The following KDM2B variants were observed in gnomAD, a reference collection of about 807,000 sequenced individuals.
KDM2B encodes the protein lysine demethylase 2B.
Under a neutral mutation model 150.0 loss-of-function variants are expected in KDM2B, and 26 were observed. That is an observed-to-expected ratio of 0.17 (90% CI 0.13 to 0.24). The LOEUF is 0.24. Among genes scored for constraint, KDM2B ranks in the 10% least tolerant of loss-of-function variants. The probability of loss-of-function intolerance (pLI) is 1.00; values close to 1 mark genes in which losing one functional copy is unlikely to be tolerated. For missense variants in KDM2B, 1,265 were observed against 1,816.9 expected, an observed-to-expected ratio of 0.70 and a Z score of 5.52; for synonymous variants, 734 against 729.5, an observed-to-expected ratio of 1.01 and a Z score of -0.10.
rs1464676135 is a variant in KDM2B, at chr12:121,521,262, A to G, written c.932-162T>C. On this transcript the variant is annotated intron_variant, in intron 8 of 22. Coordinates refer to ENST00000377071, the MANE Select transcript of KDM2B (RefSeq NM_032590.5). This position sits in a 1 kb window ranked among gnomAD's most constrained non-coding sequence, Gnocchi z 4.9. ...GGCGCCCAGCAATGCCTGCTGCACA[A>G]CGCCCAGGCCTGAGCCGCCGAGAGG... Among the ~76,000 whole-genome samples, 1 of 152,134 alleles carries G rather than the reference A, an allele frequency of 6.6e-6. No individual in the cohort carries two copies. The highest frequency in any genetic ancestry group is 1.5e-5 in the Non-Finnish European group (1 of 68,006).
intron 12 of KDM2B, among the ~76,000 whole-genome samples, chr12:121,487,820 G>T (rs1466916038): frequency 2.7e-5 from 4 of 150,680 alleles, no homozygotes; most frequent in South Asian, 2.1e-4. Flanking sequence ...TTGAGACAGG[G>T]TCTTGCCCTG....
At chr12:121,551,650 T>A (rs1372735276) in intron 4 of KDM2B, among the ~76,000 whole-genome samples, 1 of 152,184 alleles carries the variant, frequency 6.6e-6, no homozygotes, top group African/African-American at 2.4e-5. Flanking sequence ...CCTGCGGGGT[T>A]CAAGTGATTC....
intron 12 of KDM2B, among the ~76,000 whole-genome samples, chr12:121,481,031 G>A (rs535111584): frequency 2.0e-5 from 3 of 150,914 alleles, no homozygotes; most frequent in African/African-American, 4.9e-5. Flanking sequence ...GAGTTCAAGC[G>A]ATTCTCCTGC....
intron 12 of KDM2B, among the ~76,000 whole-genome samples, chr12:121,462,849 T>C (rs1486918463): frequency 2.0e-5 from 3 of 152,106 alleles, no homozygotes; most frequent in African/African-American, 4.8e-5. Context: ...ACACCTGTAA[T>C]GCCAGCACTT....
At chr12:121,479,079 G>C (rs1881750712) in intron 12 of KDM2B, among the ~76,000 whole-genome samples, 1 of 152,014 alleles carries the variant, frequency 6.6e-6, no homozygotes, top group Non-Finnish European at 1.5e-5. Context: ...CTTTAAAATG[G>C]AAGTAATGAA....
Position 121,440,798 on chromosome 12 carries a change from C to A in KDM2B, c.3610+18G>T. 2.5e-6 allele frequency: 4 copies of A among 1,594,696 alleles called. No individual in the cohort carries two copies. The highest frequency in any genetic ancestry group is 3.4e-6 in the Non-Finnish European group (4 of 1,169,876). On this transcript the variant is annotated intron_variant, in intron 21 of 22. Transcript: ENST00000377071. ...CGCTCACCCCACCCCCACAGAAACC[C>A]CCAGCCTGGCAACTCACCTGGCCTG...
intron 12 of KDM2B, among the ~76,000 whole-genome samples, chr12:121,460,762 C>T (rs1205093500): frequency 2.0e-5 from 3 of 152,016 alleles, no homozygotes; most frequent in Non-Finnish European, 4.4e-5. Flanking sequence ...TATCAACAAT[C>T]TTTTTTGTTT....
intron 12 of KDM2B, among the ~76,000 whole-genome samples, chr12:121,474,398 C>A (rs1372235817): frequency 2.6e-5 from 4 of 152,090 alleles, no homozygotes; most frequent in Non-Finnish European, 4.4e-5. Context: ...TGCCTGTAGT[C>A]CCAGCTACTC....
At chr12:121,565,365 G>A (rs1555314660) in intron 4 of KDM2B, among the ~76,000 whole-genome samples, 2 of 151,272 alleles carry the variant, frequency 1.3e-5, no homozygotes, top group South Asian at 2.1e-4. Flanking sequence ...TGCCCAGGCT[G>A]GAATGCAATG....
chr12:121,487,704 G>C (rs1555299150), intron 12 of KDM2B, among the ~76,000 whole-genome samples: 4 of 151,632 alleles, frequency 2.6e-5, no homozygotes, highest in Non-Finnish European at 5.9e-5. Context: ...ACCCCCAGGG[G>C]CACATTCTCA....
intron 2 of KDM2B, among the ~76,000 whole-genome samples, chr12:121,576,620 A>T (rs1555316903): frequency 6.6e-6 from 1 of 152,172 alleles, no homozygotes; most frequent in African/African-American, 2.4e-5. Context: ...ACAGTCCCCA[A>T]ATCCTTACCC....
rs192069058 is a variant in KDM2B, at chr12:121,550,708, G to T, written c.398-1070C>A. ...GGGGTTTCGCCATGTTGGTCAGGCT[G>T]GTCTTGAACTCCTGACCTCAAGGGA... On this transcript the variant is annotated intron_variant, in intron 4 of 22. Transcript: ENST00000377071. Among the ~76,000 whole-genome samples, 249 of 152,136 alleles carry T rather than the reference G, an allele frequency of 1.6e-3. 2 individuals carry two copies. In the South Asian group the frequency reaches 0.032, roughly 19 times the overall value.
At chr12:121,550,469 A>G (rs1049337418) in intron 4 of KDM2B, among the ~76,000 whole-genome samples, 1 of 152,190 alleles carries the variant, frequency 6.6e-6, no homozygotes, top group Non-Finnish European at 1.5e-5. Flanking sequence ...AATCCAGCCT[A>G]CGGCCTATCA....
rs201114935 is a variant in KDM2B at position 121,509,608 on chromosome 12, C to T, written c.1606G>A (p.Glu536Lys). 9.9e-6 allele frequency: 16 copies of T among 1,613,802 alleles called. No homozygotes were observed. Among genetic ancestry groups the T allele is most frequent in the African/African-American group, 8.0e-5 (6 of 74,976 alleles). The change falls in exon 11 of 23, where the codon GAG becomes AAG. Residue 536 changes from glutamate to lysine, a missense_variant. Physicochemically the swap from Glu to Lys is moderately conservative, Grantham distance 56. This residue lies in a region of KDM2B where 20 missense variants were observed against 49.5 expected (regional missense o/e 0.40). Coordinates refer to ENST00000377071, the MANE Select transcript of KDM2B (RefSeq NM_032590.5). ...SLPENKKCVP[E>K]GIEDPQALLE... is the part of the protein sequence containing the mutation. ...AGTGCCTGGGGGTCCTCGATGCCCT[C>T]GGGGACACACTTCTTGTTCTCCGGG...
At chr12:121,547,396 A>C (rs1348134751) in intron 6 of KDM2B, among the ~76,000 whole-genome samples, 1 of 152,158 alleles carries the variant, frequency 6.6e-6, no homozygotes, top group Non-Finnish European at 1.5e-5. Flanking sequence ...CTTGAAAGCA[A>C]AACCTTGAGA....
At chr12:121,538,101 C>T (rs1555309060) in intron 6 of KDM2B, among the ~76,000 whole-genome samples, 4 of 151,428 alleles carry the variant, frequency 2.6e-5, no homozygotes, top group African/African-American at 4.8e-5. Flanking sequence ...CGCGGGGAGC[C>T]GGGCGCTGCC....
Position 121,549,163 on chromosome 12 carries a change from G to T in KDM2B, c.577-180C>A, listed in dbSNP as rs1399407910. 1.3e-5 allele frequency among the ~76,000 whole-genome samples: 2 copies of T among 152,248 alleles called. No individual in the cohort carries two copies. The highest frequency in any genetic ancestry group is 2.9e-5 in the Non-Finnish European group (2 of 68,042). ...GGACCCACACTTTGTAGAAGGGAAG[G>T]AGATGAAACAGTCGCTGGGGGTCGG... On this transcript the variant is annotated intron_variant, in intron 5 of 22. Coordinates refer to ENST00000377071, the MANE Select transcript of KDM2B (RefSeq NM_032590.5). This position sits in a 1 kb window ranked among gnomAD's most constrained non-coding sequence, Gnocchi z 4.4.
intron 12 of KDM2B, among the ~76,000 whole-genome samples, chr12:121,479,598 G>T (rs1247370573): frequency 1.3e-5 from 2 of 152,090 alleles, no homozygotes; most frequent in East Asian, 3.9e-4. Flanking sequence ...AAGCCTGGGC[G>T]ACAAACTGTG....
intron 6 of KDM2B, among the ~76,000 whole-genome samples, chr12:121,536,720 C>A (rs971815879): frequency 6.6e-6 from 1 of 151,270 alleles, no homozygotes. Flanking sequence ...CAGGCCTCAG[C>A]TGAACACAGT....
Sources: gnomAD v4.1 joint callset for allele counts (sites outside exome capture counted in the v4.1 genomes callset) on GRCh38, gnomAD v4.1.1 for gene constraint, gnomAD v4.1.1 regional missense constraint, Gnocchi (gnomAD v3.1) non-coding constraint, MANE v1.5 for transcripts, NCBI Gene and HGNC (gene_info 2026-07-23, HGNC 2026-07-21) for gene names.